Variants in ZFYVE28 observed in about 807,000 individuals in gnomAD.
ZFYVE28 encodes zinc finger FYVE-type containing 28, also known as lateral signaling target protein 2 homolog.
ZFYVE28 carries 40 observed loss-of-function variants against 82.1 expected under a neutral mutation model. The observed-to-expected ratio is 0.49, with a 90% CI of 0.38 to 0.63. The LOEUF (loss-of-function observed/expected upper bound fraction) is 0.63. ZFYVE28 is among the 30% of genes least tolerant of loss of function. The pLI, the probability that ZFYVE28 is intolerant of heterozygous loss-of-function variation, is 0.00. For synonymous variants in ZFYVE28, 612 were observed against 546.1 expected, an observed-to-expected ratio of 1.12 and a Z score of -1.68; for missense variants, 1,321 against 1,242.1, an observed-to-expected ratio of 1.06 and a Z score of -0.96.
chr4:2,368,779 G>T (rs146337918), intron 1 of ZFYVE28, among the ~76,000 whole-genome samples: 326 of 152,328 alleles, frequency 2.1e-3, no homozygotes, highest in African/African-American at 7.2e-3. Flanking sequence ...GCTGCTATAA[G>T]CAAGTTTTTG....
At chr4:2,312,480 G>A (rs1184323373) in intron 7 of ZFYVE28, among the ~76,000 whole-genome samples, 3 of 152,174 alleles carry the variant, frequency 2.0e-5, no homozygotes, top group African/African-American at 7.2e-5. Flanking sequence ...TGTAATCATA[G>A]CACTTTGGGA....
chr4:2,276,462 C>T (rs1736456331), intron 8 of ZFYVE28, among the ~76,000 whole-genome samples: 2 of 152,226 alleles, frequency 1.3e-5, no homozygotes, highest in Admixed American at 6.5e-5. Flanking sequence ...GTACCCCCAG[C>T]CTCATCAGAG....
intron 2 of ZFYVE28, among the ~76,000 whole-genome samples, chr4:2,352,332 G>A (rs532279339): frequency 3.3e-5 from 5 of 152,160 alleles, no homozygotes; most frequent in Admixed American, 6.5e-5. Context: ...CCATGTCGGG[G>A]GGTGGACAGG....
At chr4:2,395,710 G>A (rs1412611170) in intron 1 of ZFYVE28, among the ~76,000 whole-genome samples, 5 of 152,214 alleles carry the variant, frequency 3.3e-5, no homozygotes, top group African/African-American at 9.7e-5. Context: ...CACCAGGAAC[G>A]CCAGGCCAGA....
chr4:2,411,222 G>C (rs533021482), intron 1 of ZFYVE28, among the ~76,000 whole-genome samples: 38 of 150,206 alleles, frequency 2.5e-4, no homozygotes, highest in Non-Finnish European at 5.1e-4. Context: ...CCATGGAGGG[G>C]CCCCCCCACT....
At chr4:2,375,837 T>C (rs1280361730) in intron 1 of ZFYVE28, among the ~76,000 whole-genome samples, 5 of 152,312 alleles carry the variant, frequency 3.3e-5, no homozygotes, top group African/African-American at 1.2e-4. Context: ...CTCATAGTTT[T>C]CATATTGATT....
At chr4:2,350,321 G>A (rs989820891) in intron 2 of ZFYVE28, among the ~76,000 whole-genome samples, 5 of 152,104 alleles carry the variant, frequency 3.3e-5, no homozygotes, top group East Asian at 3.9e-4. Context: ...AAAATTAGCC[G>A]GGCGAGGTGG....
chr4:2,307,923 ACT>A (rs1470188530), intron 7 of ZFYVE28, among the ~76,000 whole-genome samples: 1 of 152,164 alleles, frequency 6.6e-6, no homozygotes, highest in East Asian at 1.9e-4. Flanking sequence ...TCTTCTATTG[ACT>A]CAGCCCATTT....
intron 1 of ZFYVE28, among the ~76,000 whole-genome samples, chr4:2,390,861 T>G (rs916938431): frequency 3.9e-5 from 6 of 152,274 alleles, no homozygotes; most frequent in Admixed American, 3.3e-4. Flanking sequence ...GGGTTCACCC[T>G]GCATGCTGCC....
At chr4:2,336,806 GTGAGGAGGTGTGGAT>G (rs1721813740) in intron 5 of ZFYVE28, among the ~76,000 whole-genome samples, 1 of 146,964 alleles carries the variant, frequency 6.8e-6, no homozygotes, top group Non-Finnish European at 1.5e-5. Context: ...AGATGAGGAG[GTGAGGAGGTGTGGAT>G]TGAGGAGGTG....
At position 2,332,762 on chromosome 4, in the gene ZFYVE28, G is replaced by A. The variant is rs1393293148; in HGVS notation, c.701+2943C>T. On this transcript the variant is annotated intron_variant, in intron 6 of 12. Coordinates refer to ENST00000290974, the MANE Select transcript of ZFYVE28 (RefSeq NM_020972.3). The surrounding 1 kb of genome is among the most constrained non-coding windows in gnomAD (Gnocchi z 4.7). ...GCAGGGCCCCAGTGAGCATCCCAGA[G>A]GGGCGGCCTTAGGAACAGCTGCCCA... Among the ~76,000 whole-genome samples, 1 of 152,120 alleles carries A rather than the reference G, an allele frequency of 6.6e-6. No individual in the cohort carries two copies. Among genetic ancestry groups the A allele is most frequent in the African/African-American group, 2.4e-5 (1 of 41,394 alleles).
At chr4:2,387,305 T>C (rs1729377036) in intron 1 of ZFYVE28, among the ~76,000 whole-genome samples, 1 of 152,124 alleles carries the variant, frequency 6.6e-6, no homozygotes, top group Admixed American at 6.5e-5. Flanking sequence ...TCAGTCTCAT[T>C]GGGAAGGGAA....
intron 7 of ZFYVE28, among the ~76,000 whole-genome samples, chr4:2,318,805 C>T (rs151121965): frequency 1.8e-3 from 280 of 152,270 alleles, no homozygotes; most frequent in Admixed American, 2.9e-3. Flanking sequence ...TTTGGAAGAC[C>T]GAGGCCGGAG....
intron 1 of ZFYVE28, among the ~76,000 whole-genome samples, chr4:2,373,635 T>C (rs1309933664): frequency 6.6e-6 from 1 of 152,154 alleles, no homozygotes; most frequent in African/African-American, 2.4e-5. Flanking sequence ...CCATTCTTAA[T>C]TGTCTCAAAC....
intron 8 of ZFYVE28, among the ~76,000 whole-genome samples, chr4:2,279,729 C>T (rs1177763106): frequency 4.6e-5 from 7 of 150,582 alleles, no homozygotes; most frequent in African/African-American, 1.7e-4. Flanking sequence ...TGCAGTGAGC[C>T]GAGATCATGC....
At position 2,409,457 on chromosome 4, in the gene ZFYVE28, C is replaced by T. The variant is rs1170852156; in HGVS notation, c.39+8828G>A. 6.6e-6 allele frequency among the ~76,000 whole-genome samples: 1 copy of T among 152,150 alleles called. No homozygotes were observed. The highest frequency in any genetic ancestry group is 1.9e-4 in the East Asian group (1 of 5,184). ...CCAGGCGACCTCCCAACCCCATCTG[C>T]AGCGACCCCACCTTGTCCCCTGTGC... On this transcript the variant is annotated intron_variant, in intron 1 of 12. Transcript: ENST00000290974. This position sits in a 1 kb window ranked among gnomAD's most constrained non-coding sequence, Gnocchi z 4.4.
chr4:2,379,245 T>C (rs749841150), intron 1 of ZFYVE28, among the ~76,000 whole-genome samples: 11 of 152,260 alleles, frequency 7.2e-5, no homozygotes, highest in South Asian at 6.2e-4. Flanking sequence ...AAGAAAGCAA[T>C]GGGAGGGACT....
intron 1 of ZFYVE28, among the ~76,000 whole-genome samples, chr4:2,388,350 C>G (rs760680874): frequency 1.2e-4 from 18 of 152,202 alleles, no homozygotes; most frequent in Non-Finnish European, 2.1e-4. Flanking sequence ...ACAATTACCC[C>G]ATGGAAGAAA....
In ZFYVE28 at chr4:2,305,168, C is replaced by A. The variant is rs551511249; in HGVS notation, c.1172G>T (p.Arg391Leu). The A allele has an allele frequency of 1.9e-6, 3 of 1,592,584 alleles. No individual in the cohort carries two copies. In the African/African-American group the frequency reaches 4.0e-5, roughly 21 times the overall value. ...GEASPGRPRLRSGSDEEERVF... is the reference protein window; with the variant it reads ...GEASPGRPRLLSGSDEEERVF... ...GCGCTCCTCCTCGTCACTGCCTGAC[C>A]GCAGGCGCGGTCTACCTGGAGAGGC... Residue 391 changes from arginine (R) to leucine (L), a missense_variant, in exon 8 of 13, where the codon CGG (arginine) becomes CTG (leucine). Physicochemically the swap from Arg to Leu is moderately radical, Grantham distance 102. Around this residue, in one of 2 missense-constraint regions of ZFYVE28, gnomAD observed 978 missense variants for 833.7 expected, o/e 1.17. Transcript: ENST00000290974.
Sources: allele counts gnomAD v4.1 joint callset (sites outside exome capture counted in the v4.1 genomes callset), GRCh38; gene constraint gnomAD v4.1.1; regional missense constraint gnomAD v4.1.1; non-coding constraint Gnocchi (gnomAD v3.1); transcripts MANE v1.5; gene names NCBI Gene and HGNC (gene_info 2026-07-23, HGNC 2026-07-21).